NRG3: variants seen among roughly 807,000 people sequenced by gnomAD.
NRG3 encodes pro-neuregulin-3, membrane-bound isoform.
In NRG3, 31 loss-of-function variants were observed where a neutral mutation model predicts 66.9. The ratio of observed to expected loss-of-function variants is 0.46; its 90% CI spans 0.35 to 0.63. The LOEUF (loss-of-function observed/expected upper bound fraction) is 0.63, where lower values mean the gene tolerates loss of function less well. Among genes scored for constraint, NRG3 ranks in the 20% least tolerant of loss-of-function variants. NRG3 has a pLI of 0.00. For synonymous variants in NRG3, 393 were observed against 359.4 expected, an observed-to-expected ratio of 1.09 and a Z score of -1.06; for missense variants, 910 against 878.9, an observed-to-expected ratio of 1.04 and a Z score of -0.45.
At chr10:82,227,399 T>C (rs2076220707) in intron 1 of NRG3, among the ~76,000 whole-genome samples, 2 of 152,220 alleles carry the variant, frequency 1.3e-5, no homozygotes, top group East Asian at 1.9e-4. Context: ...TTATTATTAT[T>C]ATTATTATTT....
intron 2 of NRG3, among the ~76,000 whole-genome samples, chr10:82,702,561 G>A (rs1239039100): frequency 6.6e-6 from 1 of 152,172 alleles, no homozygotes; most frequent in Non-Finnish European, 1.5e-5. Flanking sequence ...CAAGGTGCAG[G>A]TCAGGCTAGG....
At chr10:82,922,330 G>T (rs1846512056) in intron 4 of NRG3, among the ~76,000 whole-genome samples, 1 of 152,136 alleles carries the variant, frequency 6.6e-6, no homozygotes, top group Non-Finnish European at 1.5e-5. Context: ...AGTATAGAAT[G>T]GCATTGAAAT....
intron 2 of NRG3, among the ~76,000 whole-genome samples, chr10:82,593,078 G>T (rs548758845): frequency 6.6e-6 from 1 of 152,140 alleles, no homozygotes; most frequent in African/African-American, 2.4e-5. Context: ...TAGTTTATTT[G>T]AATTCTGCTA....
At chr10:82,827,860 A>G (rs1379416657) in intron 3 of NRG3, among the ~76,000 whole-genome samples, 1 of 152,248 alleles carries the variant, frequency 6.6e-6, no homozygotes, top group Non-Finnish European at 1.5e-5. Flanking sequence ...TAAATAAATC[A>G]TTATAAACCT....
chr10:82,761,095 T>C (rs1565286116), intron 3 of NRG3, among the ~76,000 whole-genome samples: 1 of 151,600 alleles, frequency 6.6e-6, no homozygotes, highest in Non-Finnish European at 1.5e-5. Flanking sequence ...GAGCTAATTA[T>C]AAAAAAAACT....
intron 2 of NRG3, among the ~76,000 whole-genome samples, chr10:82,626,877 A>T (rs1308209526): frequency 1.3e-5 from 2 of 152,132 alleles, no homozygotes; most frequent in Non-Finnish European, 2.9e-5. Flanking sequence ...TGACCTGTTA[A>T]CATAGGTCAT....
intron 4 of NRG3, among the ~76,000 whole-genome samples, chr10:82,890,155 A>G (rs1456683468): frequency 6.7e-6 from 1 of 149,178 alleles, no homozygotes; most frequent in Non-Finnish European, 1.5e-5. Context: ...TAAGTAATGT[A>G]AGTGGCTTTA....
intron 1 of NRG3, among the ~76,000 whole-genome samples, chr10:82,292,462 GAC>G (rs1458577704): frequency 3.9e-5 from 6 of 152,100 alleles, no homozygotes; most frequent in Non-Finnish European, 7.4e-5. Context: ...AATATCATAT[GAC>G]ACAGTACTTG....
At chr10:82,495,695 G>A (rs968537471) in intron 2 of NRG3, among the ~76,000 whole-genome samples, 1 of 151,974 alleles carries the variant, frequency 6.6e-6, no homozygotes, top group Non-Finnish European at 1.5e-5. Flanking sequence ...CTTAGCAGAA[G>A]CCCTAAGAAA....
chr10:82,503,315 G>T (rs1423527718), intron 2 of NRG3, among the ~76,000 whole-genome samples: 1 of 152,176 alleles, frequency 6.6e-6, no homozygotes, highest in Non-Finnish European at 1.5e-5. Context: ...AGACCCACAT[G>T]GACTGAATCA....
At chr10:81,907,748 T>G (rs1844732479) in intron 1 of NRG3, among the ~76,000 whole-genome samples, 1 of 152,120 alleles carries the variant, frequency 6.6e-6, no homozygotes, top group South Asian at 2.1e-4. Context: ...GGGAAACTAA[T>G]CTTAACAGTG....
At chr10:82,742,880 T>A (rs1242114663) in intron 3 of NRG3, among the ~76,000 whole-genome samples, 1 of 152,140 alleles carries the variant, frequency 6.6e-6, no homozygotes, top group African/African-American at 2.4e-5. Context: ...CAGTCAGAAC[T>A]GTGAGCCAGC....
At chr10:82,984,573 G>A (rs769034564) in intron 8 of NRG3, among the ~76,000 whole-genome samples, 5 of 152,194 alleles carry the variant, frequency 3.3e-5, no homozygotes, top group Non-Finnish European at 5.9e-5. Flanking sequence ...GTGTGAAGCA[G>A]AAAAACTCTT....
At chr10:82,072,363 C>A (rs2064856698) in intron 1 of NRG3, among the ~76,000 whole-genome samples, 1 of 152,164 alleles carries the variant, frequency 6.6e-6, no homozygotes, top group Non-Finnish European at 1.5e-5. Flanking sequence ...ACGGGAGAGA[C>A]CATAGCTAGA....
At chr10:82,939,301 A>T (rs1293881380) in intron 4 of NRG3, among the ~76,000 whole-genome samples, 1 of 152,180 alleles carries the variant, frequency 6.6e-6, no homozygotes, top group African/African-American at 2.4e-5. Flanking sequence ...ATGTTTATGA[A>T]TTTAAACTGT....
intron 4 of NRG3, among the ~76,000 whole-genome samples, chr10:82,882,423 T>C (rs1013052247): frequency 2.6e-5 from 4 of 152,146 alleles, no homozygotes; most frequent in Admixed American, 1.3e-4. Flanking sequence ...GTAGATGTGT[T>C]AACTAAAGAG....
chr10:82,700,863 C>G (rs2055815919), intron 2 of NRG3, among the ~76,000 whole-genome samples: 1 of 152,014 alleles, frequency 6.6e-6, no homozygotes, highest in Non-Finnish European at 1.5e-5. Flanking sequence ...AATCAGTGAT[C>G]TTGGACACAA....
At chr10:82,138,224 C>T (rs1315853443) in intron 1 of NRG3, among the ~76,000 whole-genome samples, 1 of 151,854 alleles carries the variant, frequency 6.6e-6, no homozygotes, top group African/African-American at 2.4e-5. Flanking sequence ...TCTTCTTGTC[C>T]CCAGCCCTCT....
intron 1 of NRG3, among the ~76,000 whole-genome samples, chr10:82,055,954 G>T (rs2063827152): frequency 6.6e-6 from 1 of 152,144 alleles, no homozygotes; most frequent in Non-Finnish European, 1.5e-5. Context: ...TCATTCAGAG[G>T]AGAAGATGTG....
Sources: gnomAD v4.1 joint callset for allele counts (sites outside exome capture counted in the v4.1 genomes callset) on GRCh38, gnomAD v4.1.1 for gene constraint, MANE v1.5 for transcripts, NCBI Gene and HGNC (gene_info 2026-07-23, HGNC 2026-07-21) for gene names.